Variants in ASTN1 observed in about 807,000 individuals in gnomAD.
ASTN1 encodes the protein astrotactin-1.
Under a neutral mutation model 140.7 loss-of-function variants are expected in ASTN1, and 41 were observed. That is an observed-to-expected ratio of 0.29 (90% CI 0.23 to 0.38). The LOEUF (loss-of-function observed/expected upper bound fraction) is 0.38. ASTN1 is among the 10% of genes least tolerant of loss of function. The pLI is 1.00. For missense variants in ASTN1, 1,479 were observed against 1,678.8 expected, an observed-to-expected ratio of 0.88 and a Z score of 2.08; for synonymous variants, 640 against 652.2, an observed-to-expected ratio of 0.98 and a Z score of 0.29.
At chr1:176,974,372 T>C (rs1355423459) in intron 8 of ASTN1, among the ~76,000 whole-genome samples, 1 of 152,096 alleles carries the variant, frequency 6.6e-6, no homozygotes, top group Non-Finnish European at 1.5e-5. Context: ...ATTTTGATTC[T>C]AAATGTTGAA....
At chr1:177,134,768 G>A (rs1682105432) in intron 1 of ASTN1, among the ~76,000 whole-genome samples, 1 of 152,170 alleles carries the variant, frequency 6.6e-6, no homozygotes, top group African/African-American at 2.4e-5. Flanking sequence ...GTATACAGGA[G>A]GGAGAGGAAA....
At chr1:177,002,523 T>G (rs1571631972) in intron 8 of ASTN1, among the ~76,000 whole-genome samples, 1 of 152,152 alleles carries the variant, frequency 6.6e-6, no homozygotes, top group Admixed American at 6.5e-5. Context: ...GGATGGTACT[T>G]TGGGTGGCTT....
intron 1 of ASTN1, among the ~76,000 whole-genome samples, chr1:177,079,292 T>G (rs1409184688): frequency 6.6e-6 from 1 of 152,126 alleles, no homozygotes. Flanking sequence ...AGCTGATGTC[T>G]TCCCAGGTCC....
chr1:177,144,961 A>G (rs1470896021), intron 1 of ASTN1, among the ~76,000 whole-genome samples: 1 of 152,126 alleles, frequency 6.6e-6, no homozygotes, highest in Non-Finnish European at 1.5e-5. Context: ...ATTTTTAGGG[A>G]TGTCTTGTCA....
chr1:176,896,743 G>A (rs1439311828), intron 16 of ASTN1, among the ~76,000 whole-genome samples: 1 of 152,122 alleles, frequency 6.6e-6, no homozygotes, highest in African/African-American at 2.4e-5. Flanking sequence ...ATGAGTTGTA[G>A]CTCATAATCA....
At chr1:176,984,939 A>G (rs227998) in intron 8 of ASTN1, among the ~76,000 whole-genome samples, 4,143 of 152,278 alleles carry the variant, frequency 0.027, 177 homozygotes, top group African/African-American at 0.091. Flanking sequence ...CTGAGTGATC[A>G]GACCAACATG....
At chr1:176,925,603 G>C (rs1405997013) in intron 16 of ASTN1, among the ~76,000 whole-genome samples, 20 of 152,092 alleles carry the variant, frequency 1.3e-4, no homozygotes, top group Non-Finnish European at 1.5e-5. Context: ...AAAAAACTAA[G>C]AGTTAATGGC....
intron 14 of ASTN1, among the ~76,000 whole-genome samples, chr1:176,936,919 A>G (rs143769139): frequency 1.2e-4 from 18 of 152,282 alleles, no homozygotes; most frequent in African/African-American, 3.6e-4. Context: ...AAAAGTGGGG[A>G]TAATGGTATT....
intron 7 of ASTN1, among the ~76,000 whole-genome samples, chr1:177,020,189 A>G (rs578227333): frequency 5.7e-4 from 87 of 152,304 alleles, no homozygotes; most frequent in African/African-American, 2.0e-3. Flanking sequence ...CGCCTGGCCT[A>G]TCTTTTCTCT....
At chr1:176,869,493 C>A (rs965646427) in intron 21 of ASTN1, among the ~76,000 whole-genome samples, 2 of 152,036 alleles carry the variant, frequency 1.3e-5, no homozygotes, top group Non-Finnish European at 2.9e-5. Flanking sequence ...TTGGAAAGTG[C>A]AATCCCAGAG....
intron 16 of ASTN1, among the ~76,000 whole-genome samples, chr1:176,920,927 G>A (rs1670697319): frequency 6.6e-6 from 1 of 152,174 alleles, no homozygotes; most frequent in Admixed American, 6.5e-5. Flanking sequence ...CTATGTACCA[G>A]TGACTCTGCA....
chr1:177,068,805 T>C (rs868519544), intron 1 of ASTN1, among the ~76,000 whole-genome samples: 8 of 151,784 alleles, frequency 5.3e-5, no homozygotes, highest in African/African-American at 1.9e-4. Flanking sequence ...TTTTTCTTTT[T>C]TTCCTTCTTT....
chr1:176,938,710 A>G (rs1671556434), intron 14 of ASTN1, among the ~76,000 whole-genome samples: 1 of 152,208 alleles, frequency 6.6e-6, no homozygotes, highest in Non-Finnish European at 1.5e-5. Context: ...GACTTTAGGG[A>G]GGCCACTCAT....
At chr1:177,009,036 G>C (rs534921057) in intron 8 of ASTN1, among the ~76,000 whole-genome samples, 2 of 152,268 alleles carry the variant, frequency 1.3e-5, no homozygotes, top group East Asian at 3.9e-4. Flanking sequence ...CAGACTGTCT[G>C]ACCCCACCTG....
intron 20 of ASTN1, among the ~76,000 whole-genome samples, chr1:176,881,141 G>A (rs952431395): frequency 2.0e-5 from 3 of 152,176 alleles, no homozygotes; most frequent in African/African-American, 7.2e-5. Flanking sequence ...GTCACTCCTG[G>A]CCTCCCACAC....
chr1:176,861,688 G>C lies in ASTN1; in HGVS notation c.*2596C>G. On this transcript the variant is annotated 3_prime_UTR_variant, in exon 23 of 23. Coordinates refer to ENST00000361833, the MANE Select transcript of ASTN1 (RefSeq NM_004319.3). ...TTGTGTGCATTGTGTGTGCACACGT[G>C]TGTGTGTGTGTACATACATACACAC... 1 of 983,618 alleles carries C rather than the reference G, an allele frequency of 1.0e-6. No individual in the cohort carries two copies. The allele number at this position is 983,618 out of a possible 1,614,324, so 60.9% of individuals were successfully genotyped here.
rs1367064857 is a variant in ASTN1 at position 177,101,174 on chromosome 1, C to T, written c.284-39909G>A. Among the ~76,000 whole-genome samples, 7 of 152,294 alleles carry T rather than the reference C, an allele frequency of 4.6e-5. No homozygotes were observed. In the South Asian group the frequency reaches 8.3e-4, roughly 18 times the overall value. On this transcript the variant is annotated intron_variant, in intron 1 of 22. Coordinates refer to ENST00000361833, the MANE Select transcript of ASTN1 (RefSeq NM_004319.3). ...CAACTGTAAAACCTAAGTACTTGCA[C>T]TCACAATAAGCCAAAATTCCACTCA...
At chr1:176,878,885 T>A (rs1157866568) in intron 20 of ASTN1, among the ~76,000 whole-genome samples, 1 of 152,162 alleles carries the variant, frequency 6.6e-6, no homozygotes, top group Non-Finnish European at 1.5e-5. Context: ...CAAACCTCGG[T>A]AGCACTGCCC....
At chr1:177,112,852 C>T (rs189265294) in intron 1 of ASTN1, among the ~76,000 whole-genome samples, 1 of 152,280 alleles carries the variant, frequency 6.6e-6, no homozygotes. Flanking sequence ...GTGCTCTTCT[C>T]ATTAATTTTT....
Sources: gnomAD v4.1 joint callset for allele counts (sites outside exome capture counted in the v4.1 genomes callset) on GRCh38, gnomAD v4.1.1 for gene constraint, MANE v1.5 for transcripts, NCBI Gene and HGNC (gene_info 2026-07-23, HGNC 2026-07-21) for gene names.